VPS13C: variants seen among roughly 807,000 people sequenced by gnomAD.
VPS13C encodes the protein vacuolar protein sorting 13 homolog C, also known as intermembrane lipid transfer protein VPS13C.
In VPS13C, 358 loss-of-function variants were observed where a neutral mutation model predicts 456.8. The observed-to-expected ratio is 0.78, with a 90% CI of 0.72 to 0.86. The LOEUF (loss-of-function observed/expected upper bound fraction) is 0.86, where lower values mean the gene tolerates loss of function less well. Ranked by LOEUF, VPS13C falls within the 40% of genes least tolerant of loss-of-function variation. VPS13C has a pLI of 0.00. For synonymous variants in VPS13C, 1,578 were observed against 1,486.7 expected (o/e 1.06, Z -1.41); for missense variants, 4,818 against 4,385.4 (o/e 1.10, Z -2.79).
At chr15:61,919,989 GT>G in intron 57 of VPS13C, 77 bp downstream of exon 57, 2 of 1,334,712 alleles carry the variant, frequency 1.5e-6, no homozygotes, top group Non-Finnish European at 2.0e-6. Flanking sequence ...GCAGCAAAAT[GT>G]TTTTTCACAT....
chr15:61,934,312 G>GT lies in VPS13C; in HGVS notation c.5774dup (p.Asp1925GlufsTer15). On this transcript the variant is annotated frameshift_variant, in exon 49 of 85. Transcript: ENST00000644861. LOFTEE classifies it high-confidence loss of function. ...CAATCTGGTTCATAGAGAGCTTTGA[G>GT]TCTGTCCAATCTTCTTGTTCTAATG... The GT allele has an allele frequency of 6.3e-7, 1 of 1,577,636 alleles. No homozygotes were observed. The highest frequency in any genetic ancestry group is 8.6e-7 in the Non-Finnish European group (1 of 1,160,654).
intron 82 of VPS13C, among the ~76,000 whole-genome samples, chr15:61,859,730 C>A (rs1894121189): frequency 6.6e-6 from 1 of 152,154 alleles, no homozygotes; most frequent in African/African-American, 2.4e-5. Context: ...TAGCACCTAT[C>A]ACACGGTGAT....
At chr15:62,030,777 T>C (rs1360510227) in intron 5 of VPS13C, among the ~76,000 whole-genome samples, 1 of 151,940 alleles carries the variant, frequency 6.6e-6, no homozygotes, top group Non-Finnish European at 1.5e-5. Flanking sequence ...AGATAATGCC[T>C]TATGTTAATG....
At chr15:61,864,250 G>C (rs934362255) in intron 81 of VPS13C, 2 of 766,412 alleles carry the variant, frequency 2.6e-6, no homozygotes, top group Non-Finnish European at 3.2e-6. Flanking sequence ...TTTCAAAATA[G>C]CTGGCACAAT....
At chr15:62,027,281 G>A (rs898603482) in intron 6 of VPS13C, among the ~76,000 whole-genome samples, 4 of 151,782 alleles carry the variant, frequency 2.6e-5, no homozygotes, top group South Asian at 2.1e-4. Flanking sequence ...TTTCTTTTAC[G>A]GTGACAGCTG....
intron 5 of VPS13C, among the ~76,000 whole-genome samples, chr15:62,031,336 C>T (rs996927738): frequency 1.3e-5 from 2 of 151,754 alleles, no homozygotes; most frequent in African/African-American, 4.8e-5. Context: ...TGCTTTTGTG[C>T]TTTTAATATC....
chr15:62,012,164 C>A lies in VPS13C; in HGVS notation c.826G>T (p.Asp276Tyr), dbSNP rs770651634. 2.0e-6 allele frequency: 3 copies of A among 1,532,230 alleles called. No individual in the cohort carries two copies. The highest frequency in any genetic ancestry group is 4.6e-5 in the East Asian group (2 of 43,460). 94.9% of individuals were successfully genotyped at this position (1,532,230 alleles called of 1,614,324 possible). The change falls in exon 12 of 85, where the codon GAT becomes TAT. Residue 276 changes from aspartate to tyrosine, a missense_variant and splice_region_variant. Physicochemically the swap from Asp to Tyr is radical, Grantham distance 160. This residue lies in a region of VPS13C where 4,552 missense variants were observed against 4,130.6 expected (regional missense o/e 1.10). Coordinates refer to ENST00000644861, the MANE Select transcript of VPS13C (RefSeq NM_020821.3). The part of the protein sequence containing the change: ...SYQRSREQIL[D>Y]QLKNEILTSG... ...GTAAGAATTTCATTTTTCAGCTGAT[C>A]CTAAACAAAAAATTTGAATGAGAAT... is the stretch of plus-strand genomic sequence containing the variant.
chr15:61,948,271 G>A (rs2044671577), intron 42 of VPS13C, among the ~76,000 whole-genome samples: 1 of 152,048 alleles, frequency 6.6e-6, no homozygotes, highest in South Asian at 2.1e-4. Context: ...ATAAAGGAGA[G>A]GAATTTCCAA....
chr15:62,039,457 T>C (rs961569732), intron 3 of VPS13C, among the ~76,000 whole-genome samples: 5 of 150,396 alleles, frequency 3.3e-5, no homozygotes, highest in Non-Finnish European at 5.9e-5. Context: ...CCAGGACAAG[T>C]AAGAGATAAG....
At chr15:61,871,863 G>A in intron 79 of VPS13C, 126 bp downstream of exon 79, 2 of 788,764 alleles carry the variant, frequency 2.5e-6, no homozygotes, top group South Asian at 1.9e-5. Context: ...GCAACTTAAG[G>A]CTACGAATAT....
At chr15:61,897,158 A>C (rs2042848812) in intron 66 of VPS13C, among the ~76,000 whole-genome samples, 1 of 152,232 alleles carries the variant, frequency 6.6e-6, no homozygotes, top group Non-Finnish European at 1.5e-5. Flanking sequence ...GGGAAAAAAC[A>C]GAACAGAAAA....
chr15:61,958,581 T>C (rs1261593064), intron 37 of VPS13C, 27 bp downstream of exon 37: 4 of 1,224,830 alleles, frequency 3.3e-6, no homozygotes, highest in African/African-American at 3.1e-5. Flanking sequence ...CACATATGTA[T>C]ATTGCCACTT....
chr15:61,965,104 A>G (rs1379480523), intron 30 of VPS13C, among the ~76,000 whole-genome samples: 1 of 151,990 alleles, frequency 6.6e-6, no homozygotes, highest in Non-Finnish European at 1.5e-5. Context: ...TTTCCAAAGC[A>G]TAATGGTTAT....
intron 66 of VPS13C, among the ~76,000 whole-genome samples, chr15:61,900,874 A>T (rs962130458): frequency 2.6e-5 from 4 of 151,496 alleles, no homozygotes; most frequent in African/African-American, 4.8e-5. Context: ...ACAAGGCTAC[A>T]GTAACCAAAA....
At chr15:61,911,525 TAG>T (rs1404404531) in intron 63 of VPS13C, among the ~76,000 whole-genome samples, 1 of 152,200 alleles carries the variant, frequency 6.6e-6, no homozygotes, top group Non-Finnish European at 1.5e-5. Flanking sequence ...TTCTTGAATA[TAG>T]AGACATTATC....
At position 61,873,245 on chromosome 15, in the gene VPS13C, C is replaced by T; in HGVS notation, c.10578+1G>A. On this transcript the variant is annotated splice_donor_variant, in intron 78 of 84. Transcript: ENST00000644861. LOFTEE classifies it high-confidence loss of function. ...TCTTAAAGATTCAGCAAAGAACTTA[C>T]TCGCAGAAAGCCCTTTCCTCCTCTG... is the stretch of plus-strand genomic sequence containing the variant. The T allele has an allele frequency of 1.2e-6, 2 of 1,613,320 alleles. No homozygotes were observed. Among genetic ancestry groups the T allele is most frequent in the Middle Eastern group, 1.7e-4 (1 of 6,054 alleles).
chr15:62,036,696 T>C (rs1361999564), intron 3 of VPS13C, among the ~76,000 whole-genome samples: 2 of 152,080 alleles, frequency 1.3e-5, no homozygotes, highest in Non-Finnish European at 2.9e-5. Context: ...TTAACTAGCA[T>C]ACAGAAAGGG....
intron 16 of VPS13C, among the ~76,000 whole-genome samples, chr15:61,994,105 T>C (rs889645390): frequency 1.3e-5 from 2 of 152,136 alleles, no homozygotes; most frequent in Admixed American, 6.5e-5. Flanking sequence ...TTGCCCATGG[T>C]AAATAACTTC....
chr15:61,984,702 C>T (rs1357366649), intron 19 of VPS13C, among the ~76,000 whole-genome samples, 155 bp downstream of exon 19: 2 of 151,942 alleles, frequency 1.3e-5, no homozygotes, highest in African/African-American at 4.8e-5. Flanking sequence ...AGCTCCACAA[C>T]AAAACAAGAG....
Sources: allele counts gnomAD v4.1 joint callset (sites outside exome capture counted in the v4.1 genomes callset), GRCh38; gene constraint gnomAD v4.1.1; regional missense constraint gnomAD v4.1.1; transcripts MANE v1.5; gene names NCBI Gene and HGNC (gene_info 2026-07-23, HGNC 2026-07-21).